Variants in GLRA2 observed in about 807,000 individuals in gnomAD.
GLRA2 encodes glycine receptor alpha 2, also known as glycine receptor subunit alpha-2.
A neutral mutation model predicts 31.6 loss-of-function variants in GLRA2; 11 were observed. That is an observed-to-expected ratio of 0.35 (90% CI 0.22 to 0.58). The LOEUF (loss-of-function observed/expected upper bound fraction) is 0.58. GLRA2 is among the 20% of genes least tolerant of loss of function. The pLI is 0.84. For missense variants in GLRA2, 212 were observed against 351.8 expected (o/e 0.60, Z 3.18); for synonymous variants, 132 against 134.0 (o/e 0.99, Z 0.10).
At chrX:14,635,389 C>T (rs1338595736) in intron 7 of GLRA2, among the ~76,000 whole-genome samples, 3 of 111,395 alleles carry the variant, frequency 2.7e-5, no homozygotes, top group Non-Finnish European at 5.7e-5. Flanking sequence ...AAAATGAAGA[C>T]AGCAAAAATG....
chrX:14,660,818 G>A (rs1256911150), intron 7 of GLRA2, among the ~76,000 whole-genome samples: 1 of 112,166 alleles, frequency 8.9e-6, no homozygotes, highest in Non-Finnish European at 1.9e-5. Flanking sequence ...TTGACCATGA[G>A]AAAGACTGCG....
At chrX:14,562,170 C>T (rs1402544835) in intron 2 of GLRA2, among the ~76,000 whole-genome samples, 1 of 112,347 alleles carries the variant, frequency 8.9e-6, no homozygotes, top group Non-Finnish European at 1.9e-5. Context: ...CAAAACGGCA[C>T]AGTAGACAGC....
intron 7 of GLRA2, among the ~76,000 whole-genome samples, chrX:14,653,624 T>C (rs1447168212): frequency 8.9e-6 from 1 of 112,608 alleles, no homozygotes; most frequent in African/African-American, 3.2e-5. Flanking sequence ...GTGAAGATAC[T>C]GTGAACATTG....
intron 7 of GLRA2, among the ~76,000 whole-genome samples, chrX:14,651,131 C>A (rs1319359294): frequency 8.9e-6 from 1 of 111,817 alleles, no homozygotes; most frequent in Non-Finnish European, 1.9e-5. Flanking sequence ...TAATTTTGTA[C>A]AAACATGAAT....
chrX:14,682,525 T>C (rs1420547658), intron 7 of GLRA2, among the ~76,000 whole-genome samples: 1 of 111,628 alleles, frequency 9.0e-6, no homozygotes, highest in Non-Finnish European at 1.9e-5. Flanking sequence ...TAAGGACTTA[T>C]TCTGTGTTTG....
intron 4 of GLRA2, among the ~76,000 whole-genome samples, chrX:14,589,680 T>C (rs189508558): frequency 3.6e-5 from 2 of 55,678 alleles, no homozygotes; most frequent in Admixed American, 3.3e-4. Flanking sequence ...CAAAAAAATA[T>C]ATATATATAT....
chrX:14,468,259 C>G, the GLRA2 span, among the ~76,000 whole-genome samples: 68 of 112,391 alleles, frequency 6.1e-4, no homozygotes, highest in Non-Finnish European at 1.1e-3. Context: ...TCTTGAGCAA[C>G]AGCTCTGAGT....
chrX:14,534,213 GT>G (rs368371153), intron 2 of GLRA2, among the ~76,000 whole-genome samples: 4,400 of 95,516 alleles, frequency 0.046, 230 homozygotes, highest in African/African-American at 0.15. Flanking sequence ...GTGTGGCCAT[GT>G]TTTTTTTTTT....
intron 7 of GLRA2, among the ~76,000 whole-genome samples, chrX:14,646,357 G>A (rs1159778908): frequency 9.0e-6 from 1 of 111,673 alleles, no homozygotes; most frequent in African/African-American, 3.3e-5. Flanking sequence ...TTGGTACTGG[G>A]CATTGTTTTG....
chrX:14,508,958 C>T, the GLRA2 span, among the ~76,000 whole-genome samples: 14 of 111,227 alleles, frequency 1.3e-4, no homozygotes, highest in Non-Finnish European at 2.5e-4. Context: ...TTAGAGTGGC[C>T]CTAGGATATC....
At chrX:14,682,988 G>C (rs1008802271) in intron 7 of GLRA2, among the ~76,000 whole-genome samples, 2 of 111,426 alleles carry the variant, frequency 1.8e-5, no homozygotes, top group African/African-American at 6.5e-5. Context: ...CTTTGCTATT[G>C]TGAATAGTGC....
At chrX:14,683,072 G>A (rs1011802103) in intron 7 of GLRA2, among the ~76,000 whole-genome samples, 3 of 111,851 alleles carry the variant, frequency 2.7e-5, no homozygotes, top group African/African-American at 6.5e-5. Context: ...ACCCAGTAAT[G>A]GGGTGGCTGG....
chrX:14,506,033 T>C, the GLRA2 span, among the ~76,000 whole-genome samples: 1 of 111,290 alleles, frequency 9.0e-6, no homozygotes, highest in Non-Finnish European at 1.9e-5. Flanking sequence ...CAATTATCTC[T>C]CCCTCCCTCT....
intron 4 of GLRA2, among the ~76,000 whole-genome samples, chrX:14,597,591 G>A (rs2214278): frequency 0.28 from 30,471 of 110,102 alleles, 3,194 homozygotes; most frequent in Non-Finnish European, 0.31. Context: ...AAGCCATGAG[G>A]ATTCTGGGTG....
chrX:14,554,169 A>T (rs747581300), intron 2 of GLRA2, among the ~76,000 whole-genome samples: 7 of 112,235 alleles, frequency 6.2e-5, no homozygotes, highest in Non-Finnish European at 1.1e-4. Context: ...TAAACACAAC[A>T]AGCACCATGA....
At chrX:14,700,601 A>G (rs1030444937) in intron 8 of GLRA2, among the ~76,000 whole-genome samples, 3 of 112,070 alleles carry the variant, frequency 2.7e-5, no homozygotes, top group African/African-American at 9.7e-5. Context: ...AGGAAGTCAG[A>G]GGACATTGGT....
chrX:14,601,638 C>A (rs1400538979), intron 4 of GLRA2, among the ~76,000 whole-genome samples: 1 of 111,751 alleles, frequency 8.9e-6, no homozygotes. Context: ...TGTTTTATAT[C>A]TTTCTTTTTC....
Position 14,607,281 on chromosome X carries a change from T to TC in GLRA2, c.715+13_715+14insC. 2 of 1,140,890 alleles carry TC rather than the reference T, an allele frequency of 1.8e-6. No individual in the cohort carries two copies. Among genetic ancestry groups the TC allele is most frequent in the African/African-American group, 1.9e-5 (1 of 53,763 alleles). 94.0% of individuals were successfully genotyped at this position (1,140,890 alleles called of 1,213,427 possible). A position where few individuals can be genotyped will look rare whatever the true frequency, so the allele number is the denominator to read the frequency against. On this transcript the variant is annotated intron_variant, in intron 6 of 8. Transcript: ENST00000218075. ...CACTACAACACTGGTAAGTTTCTTT[T>TC]TTTTTTTTTTTCAGCTGTTAAACAC...
intron 7 of GLRA2, among the ~76,000 whole-genome samples, chrX:14,683,636 A>G: frequency 9.0e-6 from 1 of 111,422 alleles, no homozygotes; most frequent in Non-Finnish European, 1.9e-5. Flanking sequence ...CCTATGTCCT[A>G]ATGGTATTGC....
Sources: allele counts gnomAD v4.1 joint callset (sites outside exome capture counted in the v4.1 genomes callset), GRCh38; gene constraint gnomAD v4.1.1; transcripts MANE v1.5; gene names NCBI Gene and HGNC (gene_info 2026-07-23, HGNC 2026-07-21).